SVOP: variants seen among roughly 807,000 people sequenced by gnomAD.
SVOP encodes the protein synaptic vesicle 2-related protein.
Under a neutral mutation model 69.1 loss-of-function variants are expected in SVOP, and 17 were observed. The observed-to-expected ratio is 0.25, with a 90% CI of 0.17 to 0.37. The LOEUF (loss-of-function observed/expected upper bound fraction) is 0.37. SVOP is among the 10% of genes least tolerant of loss of function. The pLI, the probability that SVOP is intolerant of heterozygous loss-of-function variation, is 1.00. For synonymous variants in SVOP, 238 were observed against 238.6 expected, an observed-to-expected ratio of 1.00 and a Z score of 0.02; for missense variants, 435 against 597.5, an observed-to-expected ratio of 0.73 and a Z score of 2.84.
chr12:108,916,538 C>T (rs1033935268), intron 14 of SVOP, among the ~76,000 whole-genome samples: 3 of 152,124 alleles, frequency 2.0e-5, no homozygotes, highest in African/African-American at 4.8e-5. Flanking sequence ...CCTCTACCCA[C>T]GAGATTCCAG....
At chr12:109,020,434 T>C (rs2040390593) in intron 1 of SVOP, among the ~76,000 whole-genome samples, 1 of 152,204 alleles carries the variant, frequency 6.6e-6, no homozygotes, top group Admixed American at 6.5e-5. Context: ...AGAAAAATTA[T>C]GGATTTCACA....
At chr12:108,959,706 C>T (rs1158968955) in intron 6 of SVOP, among the ~76,000 whole-genome samples, 1 of 152,180 alleles carries the variant, frequency 6.6e-6, no homozygotes, top group Non-Finnish European at 1.5e-5. Flanking sequence ...GACAATTAGC[C>T]TTCCTCAGCC....
intron 1 of SVOP, among the ~76,000 whole-genome samples, chr12:109,010,834 A>G (rs2040337431): frequency 6.6e-6 from 1 of 151,956 alleles, no homozygotes. Context: ...TGAAACATAC[A>G]TTCTTCAGAG....
At chr12:108,961,166 G>A in intron 5 of SVOP, 119 bp from the exon 6 acceptor site, 1 of 1,273,324 alleles carries the variant, frequency 7.9e-7, no homozygotes, top group South Asian at 1.8e-5. Context: ...ACAACCAAGG[G>A]GGTACTGGGT....
chr12:108,939,298 T>C (rs1332210547), intron 8 of SVOP, among the ~76,000 whole-genome samples: 1 of 152,196 alleles, frequency 6.6e-6, no homozygotes, highest in Non-Finnish European at 1.5e-5. Flanking sequence ...ACGGTTGCTA[T>C]TACTATTATT....
intron 1 of SVOP, among the ~76,000 whole-genome samples, chr12:109,011,541 C>T (rs1022826027): frequency 3.9e-5 from 6 of 152,234 alleles, no homozygotes; most frequent in African/African-American, 1.2e-4. Context: ...GCCACCTCCT[C>T]TGGTCCTGTG....
chr12:109,003,763 G>A (rs926321886), intron 1 of SVOP, among the ~76,000 whole-genome samples: 5 of 152,072 alleles, frequency 3.3e-5, no homozygotes, highest in East Asian at 1.9e-4. Flanking sequence ...GTTTGCCACC[G>A]TATCCAGCCA....
intron 6 of SVOP, among the ~76,000 whole-genome samples, chr12:108,960,711 A>G (rs1261082852): frequency 1.3e-5 from 2 of 152,140 alleles, no homozygotes; most frequent in Non-Finnish European, 2.9e-5. Context: ...CCTTCCAGCC[A>G]TTGTGTTGTT....
At chr12:109,010,000 T>G (rs1275656967) in intron 1 of SVOP, among the ~76,000 whole-genome samples, 3 of 151,652 alleles carry the variant, frequency 2.0e-5, no homozygotes, top group African/African-American at 7.3e-5. Context: ...GCTCACACCT[T>G]TAAGCCCAGC....
chr12:108,945,040 A>G, intron 7 of SVOP, 63 bp downstream of exon 7: 1 of 1,451,060 alleles, frequency 6.9e-7, no homozygotes, highest in Non-Finnish European at 9.3e-7. Flanking sequence ...GTGGTTCAAG[A>G]CATCTGAGAA....
chr12:108,915,883 G>A lies in SVOP; in HGVS notation c.1351-11C>T, dbSNP rs974729152. 1.3e-6 allele frequency: 2 copies of A among 1,591,178 alleles called. No homozygotes were observed. Among genetic ancestry groups the A allele is most frequent in the African/African-American group, 2.7e-5 (2 of 74,328 alleles). On this transcript the variant is annotated splice_polypyrimidine_tract_variant and intron_variant, in intron 14 of 15. Transcript: ENST00000610966. ...TGCCGTGGGGTAGACCTGAAACACAGCAGCCGGATATAGGCATGGGGACAT... is the reference window on the plus strand; with the variant it reads ...TGCCGTGGGGTAGACCTGAAACACAACAGCCGGATATAGGCATGGGGACAT...
chr12:108,969,758 G>A (rs141741963), intron 5 of SVOP, among the ~76,000 whole-genome samples: 4,106 of 116,682 alleles, frequency 0.035, 79 homozygotes, highest in Non-Finnish European at 0.048. Context: ...TTAAACTCTT[G>A]TTCATTCTTC....
At chr12:108,945,060 G>A (rs1221761763) in intron 7 of SVOP, 43 bp downstream of exon 7, 12 of 1,524,482 alleles carry the variant, frequency 7.9e-6, no homozygotes, top group Non-Finnish European at 1.1e-5. Flanking sequence ...ACCTCCTGCC[G>A]GAATCCACAT....
intron 15 of SVOP, among the ~76,000 whole-genome samples, chr12:108,913,267 G>A (rs1316061804): frequency 2.0e-5 from 3 of 152,042 alleles, no homozygotes; most frequent in Non-Finnish European, 4.4e-5. Context: ...CTCCATGTTG[G>A]TCAGGCTGGT....
At chr12:108,936,926 G>C (rs536063730) in intron 10 of SVOP, 1 of 294,384 alleles carries the variant, frequency 3.4e-6, no homozygotes, top group Admixed American at 4.6e-5. Context: ...GCCTGGTTCA[G>C]CGGCTTACAA....
chr12:108,929,779 G>C (rs1452918223), intron 11 of SVOP, among the ~76,000 whole-genome samples: 1 of 152,082 alleles, frequency 6.6e-6, no homozygotes, highest in Non-Finnish European at 1.5e-5. Context: ...TCCTCCTATT[G>C]CAATTGTTAC....
chr12:108,993,030 G>T (rs2040211026), intron 1 of SVOP, among the ~76,000 whole-genome samples: 1 of 152,048 alleles, frequency 6.6e-6, no homozygotes, highest in Non-Finnish European at 1.5e-5. Context: ...AACATAGCGA[G>T]ACCCCGTCTT....
At position 108,908,186 on chromosome 12, in the gene SVOP, C is replaced by G. The variant is rs1395284922; in HGVS notation, c.*4349G>C. On this transcript the variant is annotated 3_prime_UTR_variant, in exon 16 of 16. Transcript: ENST00000610966. ...GCAGCCACAAGGAAACAGATGGAAGCTAGACTCATTTCTGCCAGAAAAGGG... is the reference window on the plus strand; with the variant it reads ...GCAGCCACAAGGAAACAGATGGAAGGTAGACTCATTTCTGCCAGAAAAGGG... 2 of 152,244 alleles carry G rather than the reference C, an allele frequency of 1.3e-5. No individual in the cohort carries two copies. Among genetic ancestry groups the G allele is most frequent in the Non-Finnish European group, 2.9e-5 (2 of 68,058 alleles). The allele number at this position is 152,244 out of a possible 1,614,324, so 9.4% of individuals were successfully genotyped here.
At chr12:108,922,528 T>C (rs974213537) in intron 12 of SVOP, among the ~76,000 whole-genome samples, 162 bp downstream of exon 12, 2 of 152,224 alleles carry the variant, frequency 1.3e-5, no homozygotes, top group African/African-American at 2.4e-5. Flanking sequence ...TCTCAGCCCC[T>C]TCACAGTTCT....
Sources: gnomAD v4.1 joint callset for allele counts (sites outside exome capture counted in the v4.1 genomes callset) on GRCh38, gnomAD v4.1.1 for gene constraint, MANE v1.5 for transcripts, NCBI Gene and HGNC (gene_info 2026-07-23, HGNC 2026-07-21) for gene names.